Variants in RALY observed in about 807,000 individuals in gnomAD.
RALY encodes the protein RALY heterogeneous nuclear ribonucleoprotein.
In RALY, 15 loss-of-function variants were observed where a neutral mutation model predicts 30.7. That is an observed-to-expected ratio of 0.49 (90% CI 0.33 to 0.75). The LOEUF (loss-of-function observed/expected upper bound fraction) is 0.75, where lower values mean the gene tolerates loss of function less well. Among genes scored for constraint, RALY ranks in the 30% least tolerant of loss-of-function variants. RALY has a pLI of 0.02. For missense variants in RALY, 339 were observed against 414.3 expected, an observed-to-expected ratio of 0.82 and a Z score of 1.58; for synonymous variants, 177 against 170.8, an observed-to-expected ratio of 1.04 and a Z score of -0.28.
At chr20:34,069,220 G>T (rs1050805017) in intron 2 of RALY, among the ~76,000 whole-genome samples, 32 of 152,136 alleles carry the variant, frequency 2.1e-4, no homozygotes, top group Non-Finnish European at 4.6e-4. Flanking sequence ...GAATAAAGAG[G>T]TGCAAGCCAG....
intron 1 of RALY, among the ~76,000 whole-genome samples, chr20:33,999,079 G>C (rs899753626): frequency 6.8e-6 from 1 of 146,560 alleles, no homozygotes; most frequent in Non-Finnish European, 1.5e-5. Context: ...GCAGTGAGCT[G>C]AGATCGAACC....
At chr20:34,055,867 T>G (rs978754044) in intron 2 of RALY, among the ~76,000 whole-genome samples, 1 of 152,222 alleles carries the variant, frequency 6.6e-6, no homozygotes. Context: ...ATGGGCACTA[T>G]TGGTGCTTCC....
At chr20:34,079,616 C>T (rs2033989185) in intron 9 of RALY, among the ~76,000 whole-genome samples, 2 of 152,298 alleles carry the variant, frequency 1.3e-5, no homozygotes, top group Admixed American at 1.3e-4. Flanking sequence ...GGGATGCAAA[C>T]AAACCTCCAT....
chr20:34,075,880 C>A lies in RALY; in HGVS notation c.384C>A (p.Phe128Leu). 3.1e-6 allele frequency: 5 copies of A among 1,612,472 alleles called. No homozygotes were observed. Among genetic ancestry groups the A allele is most frequent in the Non-Finnish European group, 4.2e-6 (5 of 1,178,930 alleles). ...YYRDDFYDRL[F>L]DYRGRLSPVP... ...GGCCCATCTGCCCTCACAGGCTCTT[C>A]GACTACCGGGGCCGTCTGTCGCCCG... is the stretch of plus-strand genomic sequence containing the variant. Residue 128 changes from phenylalanine to leucine, a missense_variant, in exon 6 of 10, where the codon TTC (phenylalanine) becomes TTA (leucine). Transcript: ENST00000246194.
chr20:34,046,660 T>A (rs903881102), intron 2 of RALY, among the ~76,000 whole-genome samples: 7 of 152,148 alleles, frequency 4.6e-5, no homozygotes, highest in African/African-American at 1.7e-4. Flanking sequence ...AAAAGTTAAT[T>A]TTTAAAAAGC....
chr20:33,997,395 C>T (rs181765988), intron 1 of RALY, among the ~76,000 whole-genome samples: 1 of 152,310 alleles, frequency 6.6e-6, no homozygotes, highest in Admixed American at 6.5e-5. Context: ...GGATTACAGG[C>T]ATGAGCCACC....
intron 1 of RALY, among the ~76,000 whole-genome samples, chr20:34,013,359 A>AGCCTTGAT (rs974917497): frequency 1.3e-5 from 2 of 150,740 alleles, no homozygotes; most frequent in African/African-American, 4.9e-5. Context: ...GGCTGTAGTA[A>AGCCTTGAT]GCCTTGATTG....
chr20:34,030,577 G>A (rs1012224496), intron 1 of RALY, among the ~76,000 whole-genome samples: 5 of 152,244 alleles, frequency 3.3e-5, no homozygotes, highest in African/African-American at 7.2e-5. Flanking sequence ...GCCTGGAGGA[G>A]CCTGGGCCAC....
At chr20:34,076,615 C>T (rs2033885135) in intron 6 of RALY, 87 bp from the exon 7 acceptor site, 1 of 1,186,138 alleles carries the variant, frequency 8.4e-7, no homozygotes, top group Non-Finnish European at 1.2e-6. Context: ...AACTGCTTTC[C>T]TGGTTGAAAG....
At position 34,073,813 on chromosome 20, in the gene RALY, C is replaced by T; in HGVS notation, c.330-6C>T. On this transcript the variant is annotated splice_polypyrimidine_tract_variant and splice_region_variant and intron_variant, in intron 4 of 9. Transcript: ENST00000246194. ...AGCTCCAGCCCTCTCCCCTTTGTTT[C>T]CCCAGTGGCTACATCTTTGACTATG... is the stretch of plus-strand genomic sequence containing the variant. The T allele has an allele frequency of 4.3e-6, 7 of 1,614,094 alleles. No individual in the cohort carries two copies. Among genetic ancestry groups the T allele is most frequent in the Non-Finnish European group, 5.9e-6 (7 of 1,179,956 alleles).
At chr20:34,061,753 G>A (rs2033424034) in intron 2 of RALY, among the ~76,000 whole-genome samples, 1 of 152,218 alleles carries the variant, frequency 6.6e-6, no homozygotes, top group African/African-American at 2.4e-5. Context: ...TCTGTAGTAA[G>A]TTTTCTGAAA....
At chr20:34,078,604 A>T in intron 9 of RALY, 51 bp downstream of exon 9, 2 of 1,465,324 alleles carry the variant, frequency 1.4e-6, no homozygotes, top group Non-Finnish European at 1.8e-6. Context: ...AGTGAAGTGG[A>T]GGTTGTGCCT....
intron 2 of RALY, among the ~76,000 whole-genome samples, chr20:34,037,812 G>T (rs756700996): frequency 5.9e-5 from 9 of 152,168 alleles, no homozygotes; most frequent in Non-Finnish European, 1.2e-4. Context: ...TCAGGGTATG[G>T]GGATGAATGT....
intron 6 of RALY, 145 bp downstream of exon 6, chr20:34,076,185 A>G: frequency 9.3e-7 from 1 of 1,077,112 alleles, no homozygotes; most frequent in African/African-American, 1.6e-5. Flanking sequence ...ATTTTCATGC[A>G]TTTCTAAGAG....
chr20:34,034,029 G>A (rs1331933029), intron 2 of RALY, among the ~76,000 whole-genome samples: 3 of 152,160 alleles, frequency 2.0e-5, no homozygotes, highest in Admixed American at 6.5e-5. Flanking sequence ...ATGAACCGTG[G>A]TATAGGATAC....
chr20:34,010,447 C>T (rs1412401920), intron 1 of RALY, among the ~76,000 whole-genome samples: 1 of 152,114 alleles, frequency 6.6e-6, no homozygotes, highest in Non-Finnish European at 1.5e-5. Flanking sequence ...ACAAACTAGG[C>T]TGGGGTCTTG....
rs906582613 is a variant in RALY, at chr20:34,081,041, T to C, written c.*1136T>C. ...CAGCCGGGTTCCTTCAAACGTGTGCTGCTTATACATGCTCATTGTGTACTG... is the reference window on the plus strand; with the variant it reads ...CAGCCGGGTTCCTTCAAACGTGTGCCGCTTATACATGCTCATTGTGTACTG... On this transcript the variant is annotated 3_prime_UTR_variant, in exon 10 of 10. Transcript: ENST00000246194. 1.3e-5 allele frequency: 2 copies of C among 152,258 alleles called. No individual in the cohort carries two copies. The highest frequency in any genetic ancestry group is 4.8e-5 in the African/African-American group (2 of 41,460). The allele number at this position is 152,258 out of a possible 1,614,324, so 9.4% of individuals were successfully genotyped here. A position where few individuals can be genotyped will look rare whatever the true frequency, so the allele number is the denominator to read the frequency against.
intron 2 of RALY, among the ~76,000 whole-genome samples, chr20:34,032,716 C>T (rs2032332067): frequency 1.3e-5 from 2 of 152,038 alleles, no homozygotes; most frequent in African/African-American, 4.8e-5. Flanking sequence ...AAATAATTTG[C>T]CCAGGGTTTA....
chr20:34,003,662 C>T (rs1213955717), intron 1 of RALY, among the ~76,000 whole-genome samples: 10 of 106,320 alleles, frequency 9.4e-5, no homozygotes, highest in South Asian at 5.7e-4. Flanking sequence ...TTTTTTGAGA[C>T]GGAGTCTCGC....
Sources: allele counts gnomAD v4.1 joint callset (sites outside exome capture counted in the v4.1 genomes callset), GRCh38; gene constraint gnomAD v4.1.1; transcripts MANE v1.5; gene names NCBI Gene and HGNC (gene_info 2026-07-23, HGNC 2026-07-21).